The following NAALADL2 variants were observed in gnomAD, a reference collection of about 807,000 sequenced individuals.
The protein encoded by NAALADL2 is inactive N-acetylated-alpha-linked acidic dipeptidase-like protein 2.
NAALADL2 carries 76 observed loss-of-function variants against 87.2 expected under a neutral mutation model. That is an observed-to-expected ratio of 0.87 (90% CI 0.72 to 1.05). The LOEUF is 1.05. Among genes scored for constraint, NAALADL2 ranks in the 50% least tolerant of loss-of-function variants. The probability of loss-of-function intolerance (pLI) is 0.00; values close to 1 mark genes in which losing one functional copy is unlikely to be tolerated. For synonymous variants in NAALADL2, 354 were observed against 331.0 expected, an observed-to-expected ratio of 1.07 and a Z score of -0.75; for missense variants, 1,089 against 945.8, an observed-to-expected ratio of 1.15 and a Z score of -1.99.
At chr3:175,181,574 T>G (rs1736477883) in intron 2 of NAALADL2, among the ~76,000 whole-genome samples, 1 of 151,310 alleles carries the variant, frequency 6.6e-6, no homozygotes, top group Non-Finnish European at 1.5e-5. Context: ...GTATTTGTCT[T>G]TCTGTACCTG....
chr3:174,998,376 A>G lies in NAALADL2; in HGVS notation c.44-98414A>G, dbSNP rs139539852. Among the ~76,000 whole-genome samples the G allele has an allele frequency of 6.4e-3, 982 of 152,322 alleles. 4 individuals are homozygous for G. Among genetic ancestry groups the G allele is most frequent in the African/African-American group, 0.022 (903 of 41,568 alleles). On this transcript the variant is annotated intron_variant, in intron 1 of 13. Transcript: ENST00000454872. ...CAAATTGCAGAGAACACATTATTTT[A>G]GATTTTATTTGCCTTTTGGGCCAAA... is the stretch of plus-strand genomic sequence containing the variant.
At chr3:174,948,179 T>G (rs1739751046) in intron 1 of NAALADL2, among the ~76,000 whole-genome samples, 1 of 151,900 alleles carries the variant, frequency 6.6e-6, no homozygotes, top group African/African-American at 2.4e-5. Context: ...ATTTATTTAT[T>G]TATTTATTTA....
intron 2 of NAALADL2, among the ~76,000 whole-genome samples, chr3:175,116,651 A>G (rs969317525): frequency 1.3e-5 from 2 of 152,148 alleles, no homozygotes; most frequent in African/African-American, 4.8e-5. Context: ...GAAAATGGCC[A>G]TACTGCCCAA....
At chr3:175,507,237 G>C (rs577717902) in intron 9 of NAALADL2, among the ~76,000 whole-genome samples, 1 of 151,906 alleles carries the variant, frequency 6.6e-6, no homozygotes, top group East Asian at 1.9e-4. Context: ...AACAGTGCCT[G>C]TTTCTAGGTC....
chr3:174,565,200 C>T (rs1179432080), intron 2 of NAALADL2, among the ~76,000 whole-genome samples: 1 of 152,038 alleles, frequency 6.6e-6, no homozygotes, highest in East Asian at 1.9e-4. Context: ...CTATAGATTA[C>T]ATTAGGATTT....
intron 6 of NAALADL2, among the ~76,000 whole-genome samples, chr3:175,451,191 G>A (rs934444090): frequency 6.6e-6 from 1 of 151,808 alleles, no homozygotes; most frequent in Non-Finnish European, 1.5e-5. Flanking sequence ...TTGGTTTTTG[G>A]TTACTTGCAA....
intron 3 of NAALADL2, among the ~76,000 whole-genome samples, chr3:174,781,833 G>T (rs1438476285): frequency 1.3e-5 from 2 of 152,034 alleles, no homozygotes; most frequent in African/African-American, 2.4e-5. Context: ...CTTGTGCAAG[G>T]GAGGATGGTT....
intron 5 of NAALADL2, among the ~76,000 whole-genome samples, chr3:175,442,932 C>T (rs1720063028): frequency 6.6e-6 from 1 of 152,164 alleles, no homozygotes; most frequent in Non-Finnish European, 1.5e-5. Context: ...ATTTTCATCT[C>T]ATATCTAATG....
intron 3 of NAALADL2, among the ~76,000 whole-genome samples, chr3:174,769,214 A>G (rs984831491): frequency 2.0e-5 from 3 of 151,986 alleles, no homozygotes; most frequent in African/African-American, 4.8e-5. Flanking sequence ...TTGTTATTCA[A>G]TATTCAAATG....
At chr3:174,764,636 AT>A (rs1185850368) in intron 3 of NAALADL2, among the ~76,000 whole-genome samples, 1 of 152,186 alleles carries the variant, frequency 6.6e-6, no homozygotes, top group African/African-American at 2.4e-5. Context: ...ACAAAAATAA[AT>A]AAAAAGCAAA....
chr3:175,107,716 A>G (rs1351495665), intron 2 of NAALADL2, among the ~76,000 whole-genome samples: 1 of 151,948 alleles, frequency 6.6e-6, no homozygotes, highest in Non-Finnish European at 1.5e-5. Flanking sequence ...ATTTTTAGAA[A>G]TTACCAATGT....
At chr3:175,144,548 G>A (rs550011572) in intron 2 of NAALADL2, among the ~76,000 whole-genome samples, 75 of 151,914 alleles carry the variant, frequency 4.9e-4, no homozygotes, top group Middle Eastern at 6.8e-3. Flanking sequence ...TTATGATTGC[G>A]CAATCCAGAG....
chr3:174,529,242 G>A (rs1721030600), intron 1 of NAALADL2, among the ~76,000 whole-genome samples: 1 of 152,186 alleles, frequency 6.6e-6, no homozygotes, highest in African/African-American at 2.4e-5. Context: ...ATCCACTGGG[G>A]CAACCAAATT....
chr3:175,589,624 A>C (rs1721073278), intron 10 of NAALADL2, among the ~76,000 whole-genome samples: 1 of 152,034 alleles, frequency 6.6e-6, no homozygotes, highest in Admixed American at 6.6e-5. Flanking sequence ...AATTGATATA[A>C]CTATTAAATG....
intron 3 of NAALADL2, among the ~76,000 whole-genome samples, chr3:174,799,380 G>A (rs1718530475): frequency 6.6e-6 from 1 of 151,970 alleles, no homozygotes; most frequent in South Asian, 2.1e-4. Context: ...ACTGAATCAT[G>A]GGAGAAGGTC....
chr3:174,643,803 G>A (rs1305483399), intron 2 of NAALADL2, among the ~76,000 whole-genome samples: 1 of 152,152 alleles, frequency 6.6e-6, no homozygotes, highest in African/African-American at 2.4e-5. Context: ...ACATACAACA[G>A]TGAAGTCACA....
intron 1 of NAALADL2, among the ~76,000 whole-genome samples, chr3:174,873,564 T>TA (rs1313509912): frequency 6.6e-6 from 1 of 152,192 alleles, no homozygotes; most frequent in Non-Finnish European, 1.5e-5. Flanking sequence ...TTTCTTTTTA[T>TA]AAAAAATACA....
chr3:174,678,425 T>A (rs1389053836), intron 2 of NAALADL2, among the ~76,000 whole-genome samples: 1 of 152,176 alleles, frequency 6.6e-6, no homozygotes, highest in African/African-American at 2.4e-5. Flanking sequence ...TTTATGCTTA[T>A]CTTCAGCTTT....
At chr3:175,224,229 GA>G (rs1560188814) in intron 2 of NAALADL2, among the ~76,000 whole-genome samples, 3 of 152,118 alleles carry the variant, frequency 2.0e-5, no homozygotes, top group Admixed American at 2.0e-4. Context: ...ATATTGATTA[GA>G]TGTTCTTATG....
Sources: gnomAD v4.1 joint callset for allele counts (sites outside exome capture counted in the v4.1 genomes callset) on GRCh38, gnomAD v4.1.1 for gene constraint, MANE v1.5 for transcripts, NCBI Gene and HGNC (gene_info 2026-07-23, HGNC 2026-07-21) for gene names.